The following CASK variants were observed in gnomAD, a reference collection of about 807,000 sequenced individuals.
CASK encodes the protein calcium/calmodulin dependent serine protein kinase.
Under a neutral mutation model 82.9 loss-of-function variants are expected in CASK, and 4 were observed. The observed-to-expected ratio is 0.05, with a 90% CI of 0.02 to 0.11. The LOEUF is 0.11. CASK is among the 10% of genes least tolerant of loss of function. The pLI is 1.00. For synonymous variants in CASK, 259 were observed against 253.5 expected, an observed-to-expected ratio of 1.02 and a Z score of -0.20; for missense variants, 358 against 720.9, an observed-to-expected ratio of 0.50 and a Z score of 5.76.
At chrX:41,673,616 C>T (rs761316475) in intron 5 of CASK, among the ~76,000 whole-genome samples, 1 of 110,233 alleles carries the variant, frequency 9.1e-6, no homozygotes, top group South Asian at 3.9e-4. Flanking sequence ...GAGACCAGAA[C>T]GAAGTGAAAA....
intron 3 of CASK, among the ~76,000 whole-genome samples, chrX:41,758,077 A>C (rs2068929953): frequency 8.9e-6 from 1 of 112,001 alleles, no homozygotes; most frequent in South Asian, 3.7e-4. Flanking sequence ...TGTAGAGGAT[A>C]GAAGGACCAG....
chrX:41,555,455 A>G, intron 20 of CASK, 145 bp downstream of exon 20: 1 of 477,207 alleles, frequency 2.1e-6, no homozygotes, highest in South Asian at 3.1e-5. Flanking sequence ...AGTCATGTGT[A>G]ATGTGTTAAA....
At chrX:41,667,286 T>C (rs2067132493) in intron 6 of CASK, among the ~76,000 whole-genome samples, 1 of 111,733 alleles carries the variant, frequency 8.9e-6, no homozygotes, top group Non-Finnish European at 1.9e-5. Context: ...TTTTATTTCA[T>C]GTAAATCAGT....
At chrX:41,569,957 C>T (rs1345150797) in intron 15 of CASK, among the ~76,000 whole-genome samples, 2 of 106,645 alleles carry the variant, frequency 1.9e-5, no homozygotes, top group Admixed American at 1.0e-4. Flanking sequence ...TTGCTATATA[C>T]ATATATTTTA....
chrX:41,798,612 A>G (rs1394870466), intron 2 of CASK, among the ~76,000 whole-genome samples: 1 of 112,573 alleles, frequency 8.9e-6, no homozygotes, highest in Non-Finnish European at 1.9e-5. Flanking sequence ...AGGCAGGTGG[A>G]TCACCTGAGG....
chrX:41,753,318 A>G (rs1178562635), intron 3 of CASK, among the ~76,000 whole-genome samples: 5 of 111,470 alleles, frequency 4.5e-5, no homozygotes, highest in African/African-American at 1.6e-4. Context: ...AAAAAAAAAA[A>G]GCAGAATGCA....
intron 26 of CASK, among the ~76,000 whole-genome samples, chrX:41,523,299 T>C: frequency 8.9e-6 from 1 of 111,770 alleles, no homozygotes; most frequent in East Asian, 2.8e-4. Flanking sequence ...AAAGGGAAAA[T>C]TTCCAAGCCA....
At chrX:41,774,915 T>C (rs2069321246) in intron 3 of CASK, among the ~76,000 whole-genome samples, 1 of 111,650 alleles carries the variant, frequency 9.0e-6, no homozygotes, top group Admixed American at 9.5e-5. Flanking sequence ...AACATTAGAC[T>C]TAAAACCATA....
At chrX:41,641,304 T>C (rs1156696115) in intron 8 of CASK, among the ~76,000 whole-genome samples, 1 of 111,978 alleles carries the variant, frequency 8.9e-6, no homozygotes, top group Non-Finnish European at 1.9e-5. Context: ...ATGAAGTACA[T>C]GATTCATAGT....
chrX:41,669,680 C>A (rs2067169061), intron 6 of CASK, among the ~76,000 whole-genome samples: 1 of 111,710 alleles, frequency 9.0e-6, no homozygotes, highest in Admixed American at 9.5e-5. Flanking sequence ...TCAGTATGAA[C>A]CATCAGTGCT....
At chrX:41,681,718 G>C (rs2067358630) in intron 5 of CASK, among the ~76,000 whole-genome samples, 1 of 111,044 alleles carries the variant, frequency 9.0e-6, no homozygotes, top group Non-Finnish European at 1.9e-5. Context: ...GCTGAGGCAG[G>C]TGGATCACCT....
In CASK at chrX:41,749,271, G is replaced by A. The variant is rs747836198; in HGVS notation, c.279-3670C>T. The stretch of plus-strand genomic sequence containing the variant: ...ACCACTGCACTCCAGTTGACAGAGC[G>A]AGACTCCATCTCAAAACAAAAACAA... On this transcript the variant is annotated intron_variant, in intron 3 of 26. Coordinates refer to ENST00000378163, the MANE Select transcript of CASK (RefSeq NM_001367721.1). 2.2e-3 allele frequency among the ~76,000 whole-genome samples: 235 copies of A among 105,939 alleles called. 2 individuals carry two copies. The highest frequency in any genetic ancestry group is 3.6e-3 in the Non-Finnish European group (187 of 51,797). 92.0% of individuals were successfully genotyped at this position (105,939 alleles called of 115,157 possible).
intron 1 of CASK, among the ~76,000 whole-genome samples, chrX:41,902,322 G>T (rs1330595233): frequency 9.0e-6 from 1 of 111,464 alleles, no homozygotes; most frequent in Non-Finnish European, 1.9e-5. Flanking sequence ...AAATCAAGAT[G>T]TTGGCTTCAG....
intron 5 of CASK, among the ~76,000 whole-genome samples, chrX:41,699,641 AGAT>A (rs1296875280): frequency 5.4e-5 from 6 of 111,008 alleles, no homozygotes; most frequent in Non-Finnish European, 1.1e-4. Flanking sequence ...TCATTATACT[AGAT>A]GATTACTATA....
chrX:41,600,867 G>A (rs2065883850), intron 12 of CASK, among the ~76,000 whole-genome samples: 1 of 111,863 alleles, frequency 8.9e-6, no homozygotes, highest in Admixed American at 9.5e-5. Flanking sequence ...TATTGGATGA[G>A]TAGACAAACA....
At chrX:41,631,902 A>G (rs187291332) in intron 9 of CASK, among the ~76,000 whole-genome samples, 130 of 111,443 alleles carry the variant, frequency 1.2e-3, no homozygotes, top group Admixed American at 2.9e-3. Context: ...TCATACCAGA[A>G]TAAGTTTTCA....
chrX:41,804,759 A>G (rs2070079468), intron 2 of CASK, among the ~76,000 whole-genome samples: 1 of 112,026 alleles, frequency 8.9e-6, no homozygotes, highest in Non-Finnish European at 1.9e-5. Flanking sequence ...TGCTGGGGCT[A>G]CAAGAGCATA....
chrX:41,896,759 C>T (rs2072277591), intron 1 of CASK, among the ~76,000 whole-genome samples: 1 of 111,750 alleles, frequency 8.9e-6, no homozygotes, highest in African/African-American at 3.2e-5. Flanking sequence ...TATCCATTAC[C>T]TCAAGCACTT....
chrX:41,563,040 C>CAAAA (rs141364032), intron 16 of CASK, among the ~76,000 whole-genome samples: 35 of 22,193 alleles, frequency 1.6e-3, no homozygotes, highest in South Asian at 4.7e-3. Flanking sequence ...GACTCCATCT[C>CAAAA]AAAAAAAAAA....
Sources: gnomAD v4.1 joint callset for allele counts (sites outside exome capture counted in the v4.1 genomes callset) on GRCh38, gnomAD v4.1.1 for gene constraint, MANE v1.5 for transcripts, NCBI Gene and HGNC (gene_info 2026-07-23, HGNC 2026-07-21) for gene names.